Variants in CPS1 observed in about 807,000 individuals in gnomAD.
The protein encoded by CPS1 is carbamoyl-phosphate synthase 1.
Under a neutral mutation model 174.6 loss-of-function variants are expected in CPS1, and 109 were observed. The observed-to-expected ratio is 0.62, with a 90% CI of 0.53 to 0.73. The LOEUF (loss-of-function observed/expected upper bound fraction) is 0.73, where lower values mean the gene tolerates loss of function less well. Ranked by LOEUF, CPS1 falls within the 30% of genes least tolerant of loss-of-function variation. The pLI, the probability that CPS1 is intolerant of heterozygous loss-of-function variation, is 0.00. For synonymous variants in CPS1, 637 were observed against 632.0 expected (o/e 1.01, Z -0.12); for missense variants, 1,689 against 1,821.9 (o/e 0.93, Z 1.33).
chr2:210,497,719 A>G (rs1858195), intron 1 of CPS1, among the ~76,000 whole-genome samples: 125,293 of 151,270 alleles, frequency 0.83, 53,020 homozygotes, highest in Non-Finnish European at 0.92. Flanking sequence ...GAAAGAACAT[A>G]ATTTCATTCT....
intron 36 of CPS1, 149 bp downstream of exon 36, chr2:210,675,989 C>G: frequency 1.5e-6 from 1 of 684,034 alleles, no homozygotes; most frequent in Non-Finnish European, 2.7e-6. Flanking sequence ...GTTTCACTCT[C>G]CATCACTATG....
intron 1 of CPS1, among the ~76,000 whole-genome samples, chr2:210,571,910 T>A (rs976834720): frequency 1.2e-4 from 15 of 121,654 alleles, no homozygotes; most frequent in Non-Finnish European, 2.4e-4. Context: ...TGTGTGTGTG[T>A]ATGTGTAATG....
rs200229226 is a variant in CPS1, at chr2:210,654,021, A to C, written c.3481-4A>C. On this transcript the variant is annotated splice_polypyrimidine_tract_variant and splice_region_variant and intron_variant, in intron 28 of 37. Transcript: ENST00000233072. ...TTCGGCTCCTCTGTTTTCCTTCGTG[A>C]CAGGAGCACCCAGTGGTGCTGACAA... 6.3e-5 allele frequency: 102 copies of C among 1,613,576 alleles called. No homozygotes were observed. Among genetic ancestry groups the C allele is most frequent in the Non-Finnish European group, 5.2e-5 (61 of 1,179,476 alleles).
intron 21 of CPS1, among the ~76,000 whole-genome samples, chr2:210,623,830 A>T (rs1223504108): frequency 6.6e-6 from 1 of 152,146 alleles, no homozygotes; most frequent in Non-Finnish European, 1.5e-5. Context: ...CTCATGAGGC[A>T]TGGCAAAAAT....
intron 1 of CPS1, among the ~76,000 whole-genome samples, chr2:210,513,385 A>T (rs778427049): frequency 6.6e-6 from 1 of 151,642 alleles, no homozygotes; most frequent in African/African-American, 2.4e-5. Context: ...CTGGTGTGAG[A>T]TGGAATCTCA....
chr2:210,497,517 A>G (rs993312407), intron 1 of CPS1, among the ~76,000 whole-genome samples: 3 of 152,032 alleles, frequency 2.0e-5, no homozygotes, highest in African/African-American at 7.3e-5. Flanking sequence ...ATAGTACCCA[A>G]CAGTTTTTCA....
rs542575928 is a variant in CPS1, at chr2:210,665,735, T to A, written c.4003-2451T>A. Reference sequence around the variant, plus strand: ...TAATCCAGTCTATCATTGTTGGACATTTGGGTTGGTTCCAAGTCTTTGCTA... The same window carrying A: ...TAATCCAGTCTATCATTGTTGGACAATTGGGTTGGTTCCAAGTCTTTGCTA... On this transcript the variant is annotated intron_variant, in intron 33 of 37. Coordinates refer to ENST00000233072, the MANE Select transcript of CPS1 (RefSeq NM_001875.5). 9.4e-3 allele frequency among the ~76,000 whole-genome samples: 1,382 copies of A among 147,472 alleles called. 7 individuals carry two copies. The highest frequency in any genetic ancestry group is 0.016 in the Admixed American group (233 of 14,488).
At chr2:210,558,105 A>T (rs1446813168) in intron 1 of CPS1, among the ~76,000 whole-genome samples, 4 of 152,046 alleles carry the variant, frequency 2.6e-5, no homozygotes, top group Admixed American at 6.6e-5. Context: ...TAGTAGCCTT[A>T]GTGGTGTGTT....
intron 1 of CPS1, among the ~76,000 whole-genome samples, chr2:210,530,282 C>T (rs554931169): frequency 2.6e-5 from 4 of 152,072 alleles, no homozygotes; most frequent in South Asian, 2.1e-4. Context: ...GATTTGGAAA[C>T]GTATTTGTGG....
At chr2:210,579,229 C>T (rs1029504871) in intron 4 of CPS1, among the ~76,000 whole-genome samples, 5 of 152,124 alleles carry the variant, frequency 3.3e-5, no homozygotes, top group South Asian at 2.1e-4. Flanking sequence ...CTCTATCCAA[C>T]GTAGTCAAAG....
At chr2:210,602,550 C>A (rs1041520891) in intron 16 of CPS1, among the ~76,000 whole-genome samples, 1 of 151,956 alleles carries the variant, frequency 6.6e-6, no homozygotes, top group African/African-American at 2.4e-5. Context: ...TCAAGGTAAA[C>A]CAGTGGTCAC....
At chr2:210,637,610 A>G (rs1700076514) in intron 21 of CPS1, 92 bp from the exon 22 acceptor site, 1 of 1,310,810 alleles carries the variant, frequency 7.6e-7, no homozygotes, top group Non-Finnish European at 1.1e-6. Flanking sequence ...GGTGGAAAAT[A>G]AGAAGCCCTT....
At chr2:210,606,268 G>A (rs189039441) in intron 17 of CPS1, among the ~76,000 whole-genome samples, 232 of 151,952 alleles carry the variant, frequency 1.5e-3, no homozygotes, top group African/African-American at 5.3e-3. Context: ...GAAGACTTCC[G>A]GAGGCAGTGA....
rs533243282 is a variant in CPS1 at position 210,606,855 on chromosome 2, C to T, written c.2106C>T (p.Ala702=). ...GIVGECNIQF[A]LHPTSMEYCI... ...TGGGTGAATGCAACATTCAGTTTGC[C>T]CTTCATCCTACCTCAATGGAATACT... The change falls in exon 18 of 38, where the codon GCC becomes GCT. Residue 702 remains alanine (A), a synonymous_variant. Transcript: ENST00000233072. The T allele has an allele frequency of 1.2e-6, 2 of 1,612,604 alleles. No individual in the cohort carries two copies. The highest frequency in any genetic ancestry group is 1.7e-6 in the Non-Finnish European group (2 of 1,179,112).
intron 1 of CPS1, among the ~76,000 whole-genome samples, chr2:210,567,572 C>T (rs1697342983): frequency 6.6e-6 from 1 of 152,136 alleles, no homozygotes; most frequent in African/African-American, 2.4e-5. Context: ...CAGCTTTATT[C>T]TTTTCCCTAG....
At chr2:210,613,572 G>GTATA (rs1272000754) in intron 20 of CPS1, among the ~76,000 whole-genome samples, 2 of 151,798 alleles carry the variant, frequency 1.3e-5, no homozygotes. Flanking sequence ...GTGTGTGTGT[G>GTATA]TGTATATATA....
At chr2:210,536,371 A>T (rs1696252269) in intron 1 of CPS1, among the ~76,000 whole-genome samples, 1 of 140,400 alleles carries the variant, frequency 7.1e-6, no homozygotes. Context: ...CCCAGGATGG[A>T]GTGCAGTGGC....
chr2:210,512,761 T>TATATATATATATATATATGGAGAGAG (rs1695534794), intron 1 of CPS1, among the ~76,000 whole-genome samples: 1 of 117,000 alleles, frequency 8.5e-6, no homozygotes, highest in African/African-American at 3.6e-5. Context: ...TATATATATA[T>TATATATATATATATATATGGAGAGAG]ATATATATAT....
At chr2:210,595,201 T>C (rs2106117637) in intron 12 of CPS1, among the ~76,000 whole-genome samples, 1 of 151,986 alleles carries the variant, frequency 6.6e-6, no homozygotes, top group South Asian at 2.1e-4. Flanking sequence ...TATTTACATA[T>C]ATGTATATAT....
Sources: gnomAD v4.1 joint callset for allele counts (sites outside exome capture counted in the v4.1 genomes callset) on GRCh38, gnomAD v4.1.1 for gene constraint, MANE v1.5 for transcripts, NCBI Gene and HGNC (gene_info 2026-07-23, HGNC 2026-07-21) for gene names.